The following MCU variants were observed in gnomAD, a reference collection of about 807,000 sequenced individuals.
The protein encoded by MCU is calcium uniporter protein, mitochondrial.
Under a neutral mutation model 45.2 loss-of-function variants are expected in MCU, and 12 were observed. The ratio of observed to expected loss-of-function variants is 0.27; its 90% confidence interval spans 0.17 to 0.43. The LOEUF (loss-of-function observed/expected upper bound fraction) is 0.43. Ranked by LOEUF, MCU falls within the 20% of genes least tolerant of loss-of-function variation. MCU has a pLI of 1.00. For missense variants in MCU, 324 were observed against 436.7 expected, an observed-to-expected ratio of 0.74 and a Z score of 2.30; for synonymous variants, 160 against 165.1, an observed-to-expected ratio of 0.97 and a Z score of 0.24.
In MCU at chr10:72,885,988, G is replaced by A. The variant is rs1589514881; in HGVS notation, c.*166G>A. On this transcript the variant is annotated 3_prime_UTR_variant, in exon 8 of 8. Transcript: ENST00000373053. ...AGGGAAGAAGGGAATGTTAAAACCT[G>A]AGGATCAGGCATTGTGGAATATAAG... is the stretch of plus-strand genomic sequence containing the variant. 1.7e-6 allele frequency: 1 copy of A among 590,292 alleles called. No homozygotes were observed. Among genetic ancestry groups the A allele is most frequent in the East Asian group, 2.8e-5 (1 of 35,122 alleles). 36.6% of individuals were successfully genotyped at this position (590,292 alleles called of 1,614,324 possible). A position where few individuals can be genotyped will look rare whatever the true frequency, so the allele number is the denominator to read the frequency against.
intron 1 of MCU, among the ~76,000 whole-genome samples, chr10:72,698,312 C>T (rs1164302419): frequency 1.3e-5 from 2 of 152,154 alleles, no homozygotes; most frequent in Non-Finnish European, 2.9e-5. Flanking sequence ...ATGAAATGCT[C>T]TTTTATTTCA....
At chr10:72,746,099 TCTC>T (rs780971291) in intron 1 of MCU, among the ~76,000 whole-genome samples, 1 of 152,210 alleles carries the variant, frequency 6.6e-6, no homozygotes, top group Non-Finnish European at 1.5e-5. Flanking sequence ...CTTCTCCTCT[TCTC>T]ATTTATTCAC....
chr10:72,693,423 G>T (rs1237854497), intron 1 of MCU, among the ~76,000 whole-genome samples: 2 of 152,152 alleles, frequency 1.3e-5, no homozygotes, highest in Non-Finnish European at 2.9e-5. Context: ...CAAACAGCTT[G>T]ATAGGAGAAA....
At chr10:72,803,631 T>C (rs1844374867) in intron 1 of MCU, among the ~76,000 whole-genome samples, 1 of 152,006 alleles carries the variant, frequency 6.6e-6, no homozygotes, top group African/African-American at 2.4e-5. Flanking sequence ...TTATGAAAGT[T>C]GGAGTAATGG....
chr10:72,749,128 G>GT (rs147019853), intron 1 of MCU, among the ~76,000 whole-genome samples: 327 of 148,196 alleles, frequency 2.2e-3, no homozygotes, highest in African/African-American at 4.5e-3. Context: ...AAAAAATGTT[G>GT]TTTTTTTTTT....
intron 1 of MCU, among the ~76,000 whole-genome samples, chr10:72,814,315 A>G (rs1844592143): frequency 6.6e-6 from 1 of 152,214 alleles, no homozygotes; most frequent in Non-Finnish European, 1.5e-5. Context: ...CGGATCTCCA[A>G]ACAAATGTTG....
At chr10:72,744,128 G>A (rs955439764) in intron 1 of MCU, among the ~76,000 whole-genome samples, 1 of 150,828 alleles carries the variant, frequency 6.6e-6, no homozygotes, top group Admixed American at 6.6e-5. Flanking sequence ...AATATAGGAG[G>A]TATTTTCTAT....
chr10:72,695,164 G>A (rs761470735), intron 1 of MCU, among the ~76,000 whole-genome samples: 6 of 152,106 alleles, frequency 3.9e-5, no homozygotes, highest in East Asian at 1.9e-4. Context: ...AAACTATTTC[G>A]TCTCTGATTA....
At chr10:72,811,520 T>C (rs1339970050) in intron 1 of MCU, among the ~76,000 whole-genome samples, 2 of 152,210 alleles carry the variant, frequency 1.3e-5, no homozygotes, top group African/African-American at 4.8e-5. Flanking sequence ...ATTCTTACAA[T>C]TGGATTTTCT....
At chr10:72,810,094 G>A (rs1844516548) in intron 1 of MCU, among the ~76,000 whole-genome samples, 1 of 152,002 alleles carries the variant, frequency 6.6e-6, no homozygotes, top group African/African-American at 2.4e-5. Context: ...TCTAAGGTTG[G>A]AGAAAGGAGC....
At chr10:72,704,277 A>C (rs1240702179) in intron 1 of MCU, among the ~76,000 whole-genome samples, 2 of 152,180 alleles carry the variant, frequency 1.3e-5, no homozygotes, top group African/African-American at 2.4e-5. Context: ...TTTAAGAAGT[A>C]GAACTGATAG....
chr10:72,702,435 T>A (rs1842769703), intron 1 of MCU, among the ~76,000 whole-genome samples: 2 of 152,280 alleles, frequency 1.3e-5, no homozygotes, highest in South Asian at 4.1e-4. Flanking sequence ...TTAGAAGGGT[T>A]TGGTAACCTG....
At chr10:72,751,992 A>T (rs1370974138) in intron 1 of MCU, among the ~76,000 whole-genome samples, 5 of 151,724 alleles carry the variant, frequency 3.3e-5, no homozygotes, top group Non-Finnish European at 1.5e-5. Flanking sequence ...GGCACCCGCC[A>T]CCACGCTGAG....
intron 1 of MCU, among the ~76,000 whole-genome samples, chr10:72,826,805 G>C (rs1009706433): frequency 6.6e-6 from 1 of 151,972 alleles, no homozygotes; most frequent in African/African-American, 2.4e-5. Context: ...GTTTTAAATG[G>C]TGCACTGTCC....
At chr10:72,841,651 A>G (rs1279601459) in intron 2 of MCU, among the ~76,000 whole-genome samples, 1 of 152,188 alleles carries the variant, frequency 6.6e-6, no homozygotes, top group Non-Finnish European at 1.5e-5. Flanking sequence ...CAGATGGTGC[A>G]TCTTCCAAAC....
chr10:72,761,379 G>A (rs1014310430), intron 1 of MCU, among the ~76,000 whole-genome samples: 8 of 152,152 alleles, frequency 5.3e-5, no homozygotes, highest in Admixed American at 3.9e-4. Context: ...GAAAGATAGG[G>A]CTGTCATATA....
intron 2 of MCU, 92 bp from the exon 3 acceptor site, chr10:72,859,085 A>G: frequency 9.1e-6 from 11 of 1,205,928 alleles, no homozygotes; most frequent in Non-Finnish European, 1.0e-5. Context: ...AAATCACACT[A>G]ATAATAGACC....
At chr10:72,864,689 G>T (rs187910828) in intron 4 of MCU, among the ~76,000 whole-genome samples, 8 of 152,252 alleles carry the variant, frequency 5.3e-5, no homozygotes, top group African/African-American at 1.2e-4. Context: ...AGTTGCAGGG[G>T]GGTGGTGCCC....
At chr10:72,812,641 A>G (rs1844562791) in intron 1 of MCU, among the ~76,000 whole-genome samples, 1 of 152,194 alleles carries the variant, frequency 6.6e-6, no homozygotes, top group African/African-American at 2.4e-5. Flanking sequence ...TTATTGAGAT[A>G]TGCTTTAAAA....
Sources: allele counts gnomAD v4.1 joint callset (sites outside exome capture counted in the v4.1 genomes callset), GRCh38; gene constraint gnomAD v4.1.1; transcripts MANE v1.5; gene names NCBI Gene and HGNC (gene_info 2026-07-23, HGNC 2026-07-21).